SEMA5A: variants seen among roughly 807,000 people sequenced by gnomAD.
SEMA5A encodes the protein semaphorin 5A, also known as semaphorin-5A.
A neutral mutation model predicts 135.5 loss-of-function variants in SEMA5A; 55 were observed. The observed-to-expected ratio is 0.41, with a 90% CI of 0.33 to 0.51. SEMA5A has a LOEUF of 0.51. Among genes scored for constraint, SEMA5A ranks in the 20% least tolerant of loss-of-function variants. The pLI is 0.37. For synonymous variants in SEMA5A, 580 were observed against 546.5 expected (o/e 1.06, Z -0.85); for missense variants, 1,290 against 1,419.9 (o/e 0.91, Z 1.47).
Position 9,224,876 on chromosome 5 carries a change from C to T in SEMA5A, c.444G>A (p.Leu148=), listed in dbSNP as rs1436367229. ...CACTGATCTGATCATGGATCTCAGTCAGGTTGCTCAACTGTGGGGGAGGAT... is the reference window on the plus strand; with the variant it reads ...CACTGATCTGATCATGGATCTCAGTTAGGTTGCTCAACTGTGGGGGAGGAT... ...PVCTNRSLSN[L]TEIHDQISGM... The change falls in exon 8 of 23, where the codon CTG becomes CTA. Residue 148 remains leucine, a synonymous_variant. Transcript: ENST00000382496. 1 of 1,612,402 alleles carries T rather than the reference C, an allele frequency of 6.2e-7. No homozygotes were observed. Among genetic ancestry groups the T allele is most frequent in the South Asian group, 1.1e-5 (1 of 90,958 alleles).
Position 9,393,060 on chromosome 5 carries a change from A to G in SEMA5A, c.-77-13037T>C, listed in dbSNP as rs181925705. On this transcript the variant is annotated intron_variant, in intron 2 of 22. Coordinates refer to ENST00000382496, the MANE Select transcript of SEMA5A (RefSeq NM_003966.3). ...CTATAAAATCTCACATGCTGTGAAC[A>G]TACGGTATCTCATCCTTCAGTTCAT... is the stretch of plus-strand genomic sequence containing the variant. Among the ~76,000 whole-genome samples, 225 of 152,380 alleles carry G rather than the reference A, an allele frequency of 1.5e-3. 1 individual carries two copies. The highest frequency in any genetic ancestry group is 5.0e-3 in the African/African-American group (207 of 41,596).
chr5:9,368,789 C>A (rs918513093), intron 3 of SEMA5A, among the ~76,000 whole-genome samples: 1 of 152,058 alleles, frequency 6.6e-6, no homozygotes, highest in East Asian at 1.9e-4. Context: ...TATTCATTTC[C>A]ATTGATGAAC....
intron 19 of SEMA5A, chr5:9,053,881 C>T (rs752565316): frequency 5.1e-5 from 25 of 488,960 alleles, no homozygotes; most frequent in African/African-American, 3.0e-4. Flanking sequence ...GCTTTGAACA[C>T]GAGTTCTGAA....
intron 13 of SEMA5A, among the ~76,000 whole-genome samples, chr5:9,123,792 T>G (rs879449761): frequency 5.3e-5 from 8 of 152,194 alleles, no homozygotes; most frequent in Non-Finnish European, 1.2e-4. Context: ...CAGTCAAACC[T>G]GTTTTCTGAT....
At chr5:9,462,115 T>C (rs964467046) in intron 1 of SEMA5A, among the ~76,000 whole-genome samples, 3 of 152,194 alleles carry the variant, frequency 2.0e-5, no homozygotes, top group African/African-American at 7.2e-5. Flanking sequence ...GAAGTATCTC[T>C]ATCCCAAACC....
chr5:9,079,795 A>G (rs1738270684), intron 16 of SEMA5A, among the ~76,000 whole-genome samples: 1 of 152,232 alleles, frequency 6.6e-6, no homozygotes, highest in African/African-American at 2.4e-5. Context: ...CATATGAAAA[A>G]AAGCTCAACA....
At chr5:9,543,720 G>A (rs954900939) in intron 1 of SEMA5A, among the ~76,000 whole-genome samples, 1 of 151,940 alleles carries the variant, frequency 6.6e-6, no homozygotes, top group African/African-American at 2.4e-5. Context: ...ACTGCATGGA[G>A]CAACGTGGAT....
intron 1 of SEMA5A, among the ~76,000 whole-genome samples, chr5:9,510,662 T>C (rs923853333): frequency 3.9e-5 from 6 of 152,180 alleles, no homozygotes; most frequent in African/African-American, 1.4e-4. Context: ...ACAAATGAAA[T>C]TGCATTTTCT....
intron 15 of SEMA5A, among the ~76,000 whole-genome samples, chr5:9,116,362 T>A (rs1378065705): frequency 6.6e-6 from 1 of 152,240 alleles, no homozygotes. Flanking sequence ...TTCCTTTTGT[T>A]AGTAGCCTCT....
At chr5:9,344,247 A>C (rs1337312453) in intron 3 of SEMA5A, among the ~76,000 whole-genome samples, 4 of 152,212 alleles carry the variant, frequency 2.6e-5, no homozygotes, top group African/African-American at 7.2e-5. Context: ...AAATTTTTTT[A>C]AACCCTGAAA....
intron 6 of SEMA5A, among the ~76,000 whole-genome samples, chr5:9,232,207 T>C (rs911843390): frequency 2.0e-5 from 3 of 152,136 alleles, no homozygotes; most frequent in African/African-American, 7.2e-5. Flanking sequence ...AACAGGTATG[T>C]TCTGTGGATC....
chr5:9,257,489 T>A (rs2150505001), intron 5 of SEMA5A, among the ~76,000 whole-genome samples: 1 of 151,784 alleles, frequency 6.6e-6, no homozygotes, highest in East Asian at 1.9e-4. Flanking sequence ...TGAAAGTAGA[T>A]CAAATGAAGT....
At chr5:9,055,890 A>T (rs1383068098) in intron 18 of SEMA5A, among the ~76,000 whole-genome samples, 4 of 152,126 alleles carry the variant, frequency 2.6e-5, no homozygotes, top group Admixed American at 1.3e-4. Context: ...AAAAAAAAAA[A>T]AAAGCTCTCT....
chr5:9,138,634 A>G (rs990799976), intron 12 of SEMA5A, among the ~76,000 whole-genome samples: 1 of 152,166 alleles, frequency 6.6e-6, no homozygotes, highest in African/African-American at 2.4e-5. Context: ...TTATTGGGGA[A>G]CAGGTGGTGT....
chr5:9,299,830 C>T (rs1228070247), intron 5 of SEMA5A, among the ~76,000 whole-genome samples: 1 of 152,186 alleles, frequency 6.6e-6, no homozygotes, highest in Non-Finnish European at 1.5e-5. Context: ...TACTTCACGT[C>T]TCCTTCCCTG....
In SEMA5A at chr5:9,190,463, G is replaced by C; in HGVS notation, c.1077C>G (p.Thr359=). 1 of 1,613,222 alleles carries C rather than the reference G, an allele frequency of 6.2e-7. No individual in the cohort carries two copies. The highest frequency in any genetic ancestry group is 8.5e-7 in the Non-Finnish European group (1 of 1,179,998). ...GGTTCACGTACAGGCCCTGGTCCACGGTGCCACACTGAAAGGGAAGACGGG... is the reference window on the plus strand; with the variant it reads ...GGTTCACGTACAGGCCCTGGTCCACCGTGCCACACTGAAAGGGAAGACGGG... ...PNPNPHFQCG[T]VDQGLYVNLT... is the part of the protein sequence containing the mutation. The change falls in exon 11 of 23, where the codon ACC becomes ACG. Residue 359 remains threonine (T), a synonymous_variant. Transcript: ENST00000382496.
chr5:9,314,781 C>T (rs1752319252), intron 5 of SEMA5A, among the ~76,000 whole-genome samples: 1 of 152,086 alleles, frequency 6.6e-6, no homozygotes, highest in East Asian at 1.9e-4. Flanking sequence ...CGTACACAGC[C>T]ACATAATATG....
intron 2 of SEMA5A, among the ~76,000 whole-genome samples, chr5:9,420,461 C>A (rs999649480): frequency 6.6e-6 from 1 of 152,130 alleles, no homozygotes; most frequent in African/African-American, 2.4e-5. Flanking sequence ...ATATTAAATA[C>A]CTTACATCAA....
chr5:9,189,817 T>C (rs766468784), intron 11 of SEMA5A, among the ~76,000 whole-genome samples: 8 of 152,252 alleles, frequency 5.3e-5, no homozygotes, highest in Non-Finnish European at 1.0e-4. Context: ...CCAAAACATA[T>C]TCTTTGAACA....
Sources: allele counts gnomAD v4.1 joint callset (sites outside exome capture counted in the v4.1 genomes callset), GRCh38; gene constraint gnomAD v4.1.1; transcripts MANE v1.5; gene names NCBI Gene and HGNC (gene_info 2026-07-23, HGNC 2026-07-21).